TCERG1: variants seen among roughly 807,000 people sequenced by gnomAD.
The protein encoded by TCERG1 is transcription elongation regulator 1, also known as TATA box binding protein (TBP)-associated factor, RNA polymerase II, S, 150kD.
Under a neutral mutation model 144.7 loss-of-function variants are expected in TCERG1, and 37 were observed. That is an observed-to-expected ratio of 0.26 (90% CI 0.20 to 0.34). The LOEUF (loss-of-function observed/expected upper bound fraction) is 0.34, where lower values mean the gene tolerates loss of function less well. Among genes scored for constraint, TCERG1 ranks in the 10% least tolerant of loss-of-function variants. The pLI is 1.00. For missense variants in TCERG1, 1,027 were observed against 1,380.7 expected (o/e 0.74, Z 4.06); for synonymous variants, 492 against 458.2 (o/e 1.07, Z -0.94).
chr5:146,467,640 T>C (rs765336997), intron 5 of TCERG1, among the ~76,000 whole-genome samples: 1 of 152,196 alleles, frequency 6.6e-6, no homozygotes, highest in Non-Finnish European at 1.5e-5. Context: ...ATTAGTGGTA[T>C]TAAAGGGGCT....
At chr5:146,483,711 C>CT (rs1052973483) in intron 15 of TCERG1, 82 bp downstream of exon 15, 114 of 1,039,558 alleles carry the variant, frequency 1.1e-4, no homozygotes, top group Middle Eastern at 2.6e-4. Flanking sequence ...AGTACCATCC[C>CT]TTTTTTTTCT....
chr5:146,468,335 T>C lies in TCERG1; in HGVS notation c.1136-6T>C, dbSNP rs1287660200. Reference sequence around the variant, plus strand: ...TCCAACGTATGCTTGCTTATCCATTTTACAGGTGTAGCAATGATGCAAATA... The same window carrying C: ...TCCAACGTATGCTTGCTTATCCATTCTACAGGTGTAGCAATGATGCAAATA... On this transcript the variant is annotated splice_polypyrimidine_tract_variant and splice_region_variant and intron_variant, in intron 5 of 22. Coordinates refer to ENST00000679501, the MANE Select transcript of TCERG1 (RefSeq NM_001382548.1). 1 of 1,597,196 alleles carries C rather than the reference T, an allele frequency of 6.3e-7. No homozygotes were observed. Among genetic ancestry groups the C allele is most frequent in the Non-Finnish European group, 8.5e-7 (1 of 1,171,216 alleles).
intron 2 of TCERG1, among the ~76,000 whole-genome samples, chr5:146,456,838 G>A (rs1474408562): frequency 1.3e-5 from 2 of 152,136 alleles, no homozygotes; most frequent in Non-Finnish European, 2.9e-5. Flanking sequence ...AAGAAGCTGT[G>A]GAGACAGTGA....
At chr5:146,447,538 G>A (rs1173925371) in intron 1 of TCERG1, 130 bp downstream of exon 1, 3 of 1,234,494 alleles carry the variant, frequency 2.4e-6, no homozygotes, top group African/African-American at 1.6e-5. Flanking sequence ...GGGACCGCAT[G>A]GGGTTTAAGA....
At chr5:146,463,176 T>C (rs983832252) in intron 4 of TCERG1, among the ~76,000 whole-genome samples, 1 of 152,220 alleles carries the variant, frequency 6.6e-6, no homozygotes, top group African/African-American at 2.4e-5. Flanking sequence ...GGTTCTTTAC[T>C]CTTTGCCTTA....
At chr5:146,472,309 T>G (rs1011063901) in intron 9 of TCERG1, among the ~76,000 whole-genome samples, 4 of 152,220 alleles carry the variant, frequency 2.6e-5, no homozygotes, top group Non-Finnish European at 2.9e-5. Flanking sequence ...GAAAGTTTTG[T>G]GGCAACCCTG....
At chr5:146,490,880 T>A (rs1191328945) in intron 15 of TCERG1, among the ~76,000 whole-genome samples, 1 of 152,146 alleles carries the variant, frequency 6.6e-6, no homozygotes, top group East Asian at 1.9e-4. Context: ...ATTAACCAAC[T>A]ATTTAGATTT....
At chr5:146,457,398 T>C (rs1293281660) in intron 3 of TCERG1, 63 bp downstream of exon 3, 2 of 1,465,436 alleles carry the variant, frequency 1.4e-6, no homozygotes, top group African/African-American at 1.4e-5. Flanking sequence ...TAAAGAGTTC[T>C]GGCAGATTGA....
intron 15 of TCERG1, among the ~76,000 whole-genome samples, chr5:146,488,647 CTATGGAAAACAG>C (rs1187253559): frequency 1.3e-5 from 2 of 152,202 alleles, no homozygotes; most frequent in South Asian, 2.1e-4. Flanking sequence ...AGTATATCCA[CTATGGAAAACAG>C]TATGGAGGTT....
intron 21 of TCERG1, among the ~76,000 whole-genome samples, chr5:146,508,534 T>A (rs1254436929): frequency 1.3e-5 from 2 of 152,206 alleles, no homozygotes; most frequent in African/African-American, 4.8e-5. Context: ...ATTGTAGATG[T>A]TTGGACCATA....
Position 146,455,060 on chromosome 5 carries a change from G to A in TCERG1, c.64G>A (p.Ala22Thr), listed in dbSNP as rs1466433071. ...ATTCCTTGCTTTCCCATGCAGGATG[G>A]CCCAACAGCAGGCCTTGAGGTTCCG... is the stretch of plus-strand genomic sequence containing the variant. ...ERFNPGELRMAQQQALRFRGP... is the reference protein window; with the variant it reads ...ERFNPGELRMTQQQALRFRGP... Residue 22 changes from alanine (A) to threonine (T), a missense_variant, in exon 2 of 23, where the codon GCC becomes ACC. By Grantham distance (58) the Ala-to-Thr change is moderately conservative (BLOSUM62 0). This residue lies in a region of TCERG1 where 175 missense variants were observed against 197.0 expected (regional missense o/e 0.89). Coordinates refer to ENST00000679501, the MANE Select transcript of TCERG1 (RefSeq NM_001382548.1). 4 of 1,614,148 alleles carry A rather than the reference G, an allele frequency of 2.5e-6. No individual in the cohort carries two copies. The highest frequency in any genetic ancestry group is 2.2e-5 in the South Asian group (2 of 91,080).
rs1410991285 is a variant in TCERG1 at position 146,490,330 on chromosome 5, G to A, written c.2164-2590G>A. Among the ~76,000 whole-genome samples the A allele has an allele frequency of 2.6e-5, 4 of 152,252 alleles. No individual in the cohort carries two copies. In the South Asian group the frequency reaches 8.3e-4, roughly 32 times the overall value. On this transcript the variant is annotated intron_variant, in intron 15 of 22. Coordinates refer to ENST00000679501, the MANE Select transcript of TCERG1 (RefSeq NM_001382548.1). Reference sequence around the variant, plus strand: ...TGTCGAAGGTATTTTGGAACATTTTGTTGTACTTGTTATAAAGATGTTCAT... The same window carrying A: ...TGTCGAAGGTATTTTGGAACATTTTATTGTACTTGTTATAAAGATGTTCAT...
intron 3 of TCERG1, among the ~76,000 whole-genome samples, chr5:146,458,095 C>T (rs1007614636): frequency 6.6e-6 from 1 of 152,110 alleles, no homozygotes; most frequent in Admixed American, 6.5e-5. Context: ...GGTAATCCCA[C>T]CCGCCTTGGC....
intron 9 of TCERG1, among the ~76,000 whole-genome samples, chr5:146,473,668 G>A (rs939476906): frequency 6.6e-6 from 1 of 152,056 alleles, no homozygotes; most frequent in African/African-American, 2.4e-5. Flanking sequence ...AAATCCTAGG[G>A]CCCTTGAGAA....
intron 9 of TCERG1, among the ~76,000 whole-genome samples, chr5:146,475,587 C>A (rs560107994): frequency 6.6e-6 from 1 of 150,476 alleles, no homozygotes; most frequent in African/African-American, 2.4e-5. Flanking sequence ...ATCATTAACC[C>A]GATTAAATCA....
rs201921692 is a variant in TCERG1 at position 146,509,426 on chromosome 5, T to TA, written c.3146+184dup. Among the ~76,000 whole-genome samples the TA allele has an allele frequency of 9.0e-4, 136 of 151,634 alleles. 2 individuals carry two copies. In the East Asian group the frequency reaches 0.021, roughly 24 times the overall value. On this transcript the variant is annotated intron_variant, in intron 22 of 22. Coordinates refer to ENST00000679501, the MANE Select transcript of TCERG1 (RefSeq NM_001382548.1). The stretch of plus-strand genomic sequence containing the variant: ...TATCTACCATACTTTTTTTTTTTTT[T>TA]AAAGAAAGGGCCCAGATGTCAATTC...
chr5:146,509,773 C>A (rs568064306), intron 22 of TCERG1, among the ~76,000 whole-genome samples: 1 of 152,196 alleles, frequency 6.6e-6, no homozygotes, highest in East Asian at 1.9e-4. Context: ...TTCTCTGTAG[C>A]AAACCCAACA....
intron 9 of TCERG1, among the ~76,000 whole-genome samples, chr5:146,475,730 A>G (rs1452735915): frequency 6.6e-6 from 1 of 152,162 alleles, no homozygotes; most frequent in Non-Finnish European, 1.5e-5. Context: ...AACTGTGTTA[A>G]GGGTTGAAAG....
At position 146,469,639 on chromosome 5, in the gene TCERG1, G is replaced by A. The variant is rs1764108604; in HGVS notation, c.1294G>A (p.Val432Ile). 1 of 1,613,498 alleles carries A rather than the reference G, an allele frequency of 6.2e-7. No individual in the cohort carries two copies. Among genetic ancestry groups the A allele is most frequent in the South Asian group, 1.1e-5 (1 of 91,050 alleles). Residue 432 changes from valine to isoleucine, a missense_variant, in exon 7 of 23, where the codon GTT becomes ATT. Val to Ile is a conservative substitution (Grantham distance 29). Transcript: ENST00000679501. ...SPATLAGATA[V>I]SEWTEYKTAD... Reference sequence around the variant, plus strand: ...TGCTACCTTAGCTGGAGCAACAGCAGTTTCTGAATGGACTGAATATAAAAC... The same window carrying A: ...TGCTACCTTAGCTGGAGCAACAGCAATTTCTGAATGGACTGAATATAAAAC...
Sources: allele counts gnomAD v4.1 joint callset (sites outside exome capture counted in the v4.1 genomes callset), GRCh38; gene constraint gnomAD v4.1.1; regional missense constraint gnomAD v4.1.1; transcripts MANE v1.5; gene names NCBI Gene and HGNC (gene_info 2026-07-23, HGNC 2026-07-21).